Variants in FASTK observed in about 807,000 individuals in gnomAD.
FASTK encodes the protein fas-activated serine/threonine kinase.
A neutral mutation model predicts 60.0 loss-of-function variants in FASTK; 28 were observed. The ratio of observed to expected loss-of-function variants is 0.47; its 90% CI spans 0.35 to 0.64. The LOEUF (loss-of-function observed/expected upper bound fraction) is 0.64. Among genes scored for constraint, FASTK ranks in the 30% least tolerant of loss-of-function variants. FASTK has a pLI of 0.01. For synonymous variants in FASTK, 325 were observed against 307.9 expected (o/e 1.06, Z -0.58); for missense variants, 595 against 713.8 (o/e 0.83, Z 1.90).
intron 1 of FASTK, chr7:151,080,461 G>T (rs1797928034): frequency 1.6e-6 from 2 of 1,262,584 alleles, no homozygotes; most frequent in African/African-American, 3.1e-5. Context: ...TGGACAAGTG[G>T]CTTCGTCTCT....
chr7:151,079,823 C>T lies in FASTK; in HGVS notation c.182G>A (p.Cys61Tyr). 1 of 1,601,584 alleles carries T rather than the reference C, an allele frequency of 6.2e-7. No homozygotes were observed. The highest frequency in any genetic ancestry group is 1.1e-5 in the South Asian group (1 of 88,880). The change falls in exon 2 of 10, where the codon TGC becomes TAC. Residue 61 changes from cysteine (C) to tyrosine (Y), a missense_variant. Cys to Tyr is a radical substitution (Grantham distance 194). Transcript: ENST00000297532. ...CCCCCATTTGCTGGGCCCCAAACAGCAGGGCTGTACTGGAGGGATCAGCAG... is the reference window on the plus strand; with the variant it reads ...CCCCCATTTGCTGGGCCCCAAACAGTAGGGCTGTACTGGAGGGATCAGCAG... ...GLLLIPPVQP[C>Y]CLGPSKWGDR...
Position 151,077,704 on chromosome 7 carries a change from G to A in FASTK, c.1116C>T (p.Tyr372=). The change falls in exon 6 of 10, where the codon TAC becomes TAT. Residue 372 remains tyrosine (Y), a synonymous_variant. Transcript: ENST00000297532. ...GCCTTCGGGGAAGGCGGGGACCCCG[G>A]TATCCTGGGAGCTCCAGCTCCACGG... The part of the protein sequence containing the change: ...DTAVELELPG[Y]RGPRLPRRQQ... 1 of 1,591,516 alleles carries A rather than the reference G, an allele frequency of 6.3e-7. No individual in the cohort carries two copies. Among genetic ancestry groups the A allele is most frequent in the Non-Finnish European group, 8.5e-7 (1 of 1,169,660 alleles).
intron 2 of FASTK, 77 bp downstream of exon 2, chr7:151,079,423 T>G: frequency 7.2e-7 from 1 of 1,384,900 alleles, no homozygotes; most frequent in Non-Finnish European, 9.8e-7. Flanking sequence ...TGGGTCTCTG[T>G]CCGTGGTCCT....
chr7:151,076,684 A>AC lies in FASTK; in HGVS notation c.*40dup, dbSNP rs574710616. ...CAGGGAACCAAAGTGCAAATCATCC[A>AC]CCCCCCATGGGGGGGCCATCCTGAA... On this transcript the variant is annotated 3_prime_UTR_variant, in exon 10 of 10. Transcript: ENST00000297532. 762 of 1,269,356 alleles carry AC rather than the reference A, an allele frequency of 6.0e-4. 5 individuals carry two copies. The African/African-American group carries it at 0.01, about 17-fold the overall frequency. 78.6% of individuals were successfully genotyped at this position (1,269,356 alleles called of 1,614,324 possible). A position where few individuals can be genotyped will look rare whatever the true frequency, so the allele number is the denominator to read the frequency against.
intron 4 of FASTK, 114 bp downstream of exon 4, chr7:151,078,448 A>T: frequency 8.4e-7 from 1 of 1,184,520 alleles, no homozygotes; most frequent in East Asian, 2.4e-5. Flanking sequence ...GTCCCAGGGG[A>T]CAGAGAGGGT....
At chr7:151,080,451 T>C (rs1393534322) in intron 1 of FASTK, 5 of 1,253,976 alleles carry the variant, frequency 4.0e-6, no homozygotes, top group Non-Finnish European at 4.0e-6. Context: ...GGCGTGACCT[T>C]GGACAAGTGG....
chr7:151,077,674 TTGC>T lies in FASTK; in HGVS notation c.1143_1145del (p.Gln382del). ...TGAGAGGCTGGGGAAAGATGGGCAC[TTGC>T]TGCCTTCGGGGAAGGCGGGGACCCC... On this transcript the variant is annotated inframe_deletion, in exon 6 of 10. Transcript: ENST00000297532. 1.3e-6 allele frequency: 2 copies of T among 1,579,922 alleles called. No individual in the cohort carries two copies. The highest frequency in any genetic ancestry group is 1.7e-6 in the Non-Finnish European group (2 of 1,163,622).
In FASTK at chr7:151,078,546, T is replaced by C; in HGVS notation, c.825+16A>G. On this transcript the variant is annotated intron_variant, in intron 4 of 9. Coordinates refer to ENST00000297532, the MANE Select transcript of FASTK (RefSeq NM_006712.5). The stretch of plus-strand genomic sequence containing the variant: ...AGAATGACAGAGATGCACTGGAGGG[T>C]GGGTGGCAAGCCCACCTTGCTGCTG... 2.5e-6 allele frequency: 4 copies of C among 1,610,756 alleles called. No homozygotes were observed. The highest frequency in any genetic ancestry group is 3.4e-6 in the Non-Finnish European group (4 of 1,177,992).
rs374618949 is a variant in FASTK, at chr7:151,079,770, C to T, written c.235G>A (p.Ala79Thr). 1.2e-6 allele frequency: 2 copies of T among 1,601,434 alleles called. No individual in the cohort carries two copies. Among genetic ancestry groups the T allele is most frequent in the African/African-American group, 2.7e-5 (2 of 74,598 alleles). ...CGCTGCAGTCCTTGCACAGGACCTG[C>T]ACTGGGGCCTCCTCCAACAGGCCGG... ...GDRPVGGGPS[A>T]GPVQGLQRLL... is the part of the protein sequence containing the mutation. The change falls in exon 2 of 10, where the codon GCA becomes ACA. Residue 79 changes from alanine to threonine, a missense_variant. Around this residue, in one of 2 missense-constraint regions of FASTK, gnomAD observed 124 missense variants for 107.9 expected, o/e 1.15. Coordinates refer to ENST00000297532, the MANE Select transcript of FASTK (RefSeq NM_006712.5).
chr7:151,079,788 C>T lies in FASTK; in HGVS notation c.217G>A (p.Val73Ile). The change falls in exon 2 of 10, where the codon GTT (valine) becomes ATT (isoleucine). Residue 73 changes from valine to isoleucine, a missense_variant. Coordinates refer to ENST00000297532, the MANE Select transcript of FASTK (RefSeq NM_006712.5). The part of the protein sequence containing the change: ...LGPSKWGDRP[V>I]GGGPSAGPVQ... ...GGACCTGCACTGGGGCCTCCTCCAA[C>T]AGGCCGGTCCCCCCATTTGCTGGGC... is the stretch of plus-strand genomic sequence containing the variant. 6.2e-7 allele frequency: 1 copy of T among 1,600,686 alleles called. No individual in the cohort carries two copies.
rs750271006 is a variant in FASTK, at chr7:151,077,126, C to T, written c.1402G>A (p.Ala468Thr). The T allele has an allele frequency of 1.8e-5, 29 of 1,611,508 alleles. No homozygotes were observed. The highest frequency in any genetic ancestry group is 3.3e-5 in the Admixed American group (2 of 59,888). ...SCPQGQAASS[A>T]TTRDPAQRVV... ...CTCTGGGCAGGGTCTCGAGTAGTGG[C>T]GCTAGAGGCAGCCTGGCCCTGTGGG... is the stretch of plus-strand genomic sequence containing the variant. The change falls in exon 8 of 10, where the codon GCC becomes ACC. Residue 468 changes from alanine (A) to threonine (T), a missense_variant. Physicochemically the swap from Ala to Thr is moderately conservative, Grantham distance 58. Coordinates refer to ENST00000297532, the MANE Select transcript of FASTK (RefSeq NM_006712.5).
Position 151,077,410 on chromosome 7 carries a change from A to T in FASTK, c.1200-9T>A. 1 of 1,610,992 alleles carries T rather than the reference A, an allele frequency of 6.2e-7. No homozygotes were observed. The highest frequency in any genetic ancestry group is 8.5e-7 in the Non-Finnish European group (1 of 1,179,330). ...CTACTATGTCCTTGTGACTGAGGAG[A>T]AAGGACACCAGTAGCAGGAAGGGCC... On this transcript the variant is annotated splice_polypyrimidine_tract_variant and intron_variant, in intron 6 of 9. Coordinates refer to ENST00000297532, the MANE Select transcript of FASTK (RefSeq NM_006712.5).
Position 151,076,804 on chromosome 7 carries a change from C to T in FASTK, c.1571G>A (p.Arg524Lys), listed in dbSNP as rs765240026. The T allele has an allele frequency of 6.2e-7, 1 of 1,612,462 alleles. No homozygotes were observed. Among genetic ancestry groups the T allele is most frequent in the South Asian group, 1.1e-5 (1 of 90,776 alleles). Residue 524 changes from arginine to lysine, a missense_variant, in exon 10 of 10, where the codon AGA becomes AAA. By Grantham distance (26) the Arg-to-Lys change is conservative. Transcript: ENST00000297532. ...PLPFEELESQ[R>K]GLPQLKSYLR... ...GTAGCTCTTGAGCTGGGGCAGGCCT[C>T]TCTGGGACTCCAGTTCCTCGAAGGG...
At chr7:151,077,275 C>T (rs746368037) in intron 7 of FASTK, 35 bp downstream of exon 7, 72 of 1,611,670 alleles carry the variant, frequency 4.5e-5, no homozygotes, top group East Asian at 1.6e-4. Flanking sequence ...GCCAGGGCTC[C>T]GTCTCCCCGG....
chr7:151,080,474 A>C (rs1017160315), intron 1 of FASTK: 4 of 1,277,804 alleles, frequency 3.1e-6, no homozygotes, highest in Non-Finnish European at 4.0e-6. Flanking sequence ...TCGTCTCTCT[A>C]AGTCTCCTCA....
In FASTK at chr7:151,076,944, T is replaced by C; in HGVS notation, c.1511A>G (p.His504Arg). The change falls in exon 9 of 10, where the codon CAC becomes CGC. Residue 504 changes from histidine to arginine, a missense_variant. Transcript: ENST00000297532. ...LLGSRALRERHLGLMGYQLLP... is the reference protein window; with the variant it reads ...LLGSRALRERRLGLMGYQLLP... ...GAGCTGGTAGCCCATCAGGCCTAGG[T>C]GCCGCTCCCTCAGGGCCCTCGAGCC... 1.2e-6 allele frequency: 2 copies of C among 1,611,248 alleles called. No individual in the cohort carries two copies. The highest frequency in any genetic ancestry group is 1.7e-6 in the Non-Finnish European group (2 of 1,179,178).
chr7:151,077,811 C>T (rs375349128), intron 5 of FASTK, 31 bp from the exon 6 acceptor site: 66 of 1,593,284 alleles, frequency 4.1e-5, no homozygotes, highest in Non-Finnish European at 5.5e-5. Flanking sequence ...GGGCTCTGGG[C>T]TGCAGGCCAC....
At chr7:151,079,254 A>C (rs1797844743) in intron 2 of FASTK, 1 of 584,150 alleles carries the variant, frequency 1.7e-6, no homozygotes, top group East Asian at 3.0e-5. Context: ...ATCTCATACC[A>C]ATTGTGACAA....
chr7:151,080,347 C>G, intron 1 of FASTK: 1 of 661,962 alleles, frequency 1.5e-6, no homozygotes, highest in Non-Finnish European at 2.1e-6. Flanking sequence ...CCACCTCCCT[C>G]TCCCACAGGA....
Sources: allele counts gnomAD v4.1 joint callset, GRCh38; gene constraint gnomAD v4.1.1; regional missense constraint gnomAD v4.1.1; transcripts MANE v1.5; gene names NCBI Gene and HGNC (gene_info 2026-07-23, HGNC 2026-07-21).